The following ETNK1 variants were observed in gnomAD, a reference collection of about 807,000 sequenced individuals.
ETNK1 encodes putative protein product of Nbla10396.
In ETNK1, 8 loss-of-function variants were observed where a neutral mutation model predicts 45.1. That is an observed-to-expected ratio of 0.18 (90% confidence interval 0.10 to 0.32). The LOEUF (loss-of-function observed/expected upper bound fraction) is 0.32. ETNK1 is among the 10% of genes least tolerant of loss of function. The pLI is 1.00. For synonymous variants in ETNK1, 152 were observed against 151.9 expected (o/e 1.00, Z -0.01); for missense variants, 302 against 430.6 (o/e 0.70, Z 2.64).
At chr12:22,649,609 G>T (rs958466888) in intron 2 of ETNK1, among the ~76,000 whole-genome samples, 1 of 151,904 alleles carries the variant, frequency 6.6e-6, no homozygotes, top group Non-Finnish European at 1.5e-5. Flanking sequence ...TACCTTAATT[G>T]CTATAGCTTT....
chr12:22,660,061 C>T (rs576824914), intron 3 of ETNK1, among the ~76,000 whole-genome samples: 1 of 144,258 alleles, frequency 6.9e-6, no homozygotes, highest in South Asian at 2.2e-4. Context: ...AAAAACACCG[C>T]AGTTTTGACC....
At chr12:22,673,384 C>A in intron 5 of ETNK1, 116 bp from the exon 6 acceptor site, 1 of 670,338 alleles carries the variant, frequency 1.5e-6, no homozygotes, top group South Asian at 3.3e-5. Flanking sequence ...TGCAGTATTC[C>A]AGCCAAAATG....
At chr12:22,626,498 A>C (rs934739166) in intron 1 of ETNK1, among the ~76,000 whole-genome samples, 1 of 152,218 alleles carries the variant, frequency 6.6e-6, no homozygotes, top group Non-Finnish European at 1.5e-5. Flanking sequence ...ATGTAAGAAC[A>C]TTCATTTGAA....
At chr12:22,638,812 C>T (rs952918892) in intron 1 of ETNK1, 22 of 152,214 alleles carry the variant, frequency 1.4e-4, no homozygotes, top group Non-Finnish European at 2.5e-4. Context: ...ATCCAGAATC[C>T]GTATTTGCTT....
chr12:22,643,532 G>A (rs1953766129), intron 1 of ETNK1, among the ~76,000 whole-genome samples: 1 of 151,928 alleles, frequency 6.6e-6, no homozygotes, highest in Admixed American at 6.6e-5. Flanking sequence ...GATCAAGGAA[G>A]GCATGTTATA....
intron 1 of ETNK1, among the ~76,000 whole-genome samples, chr12:22,635,007 A>G (rs1476777410): frequency 6.6e-6 from 1 of 152,054 alleles, no homozygotes; most frequent in Non-Finnish European, 1.5e-5. Context: ...TTAAATTTCT[A>G]TTATTCATTA....
intron 4 of ETNK1, among the ~76,000 whole-genome samples, chr12:22,665,820 T>G (rs1282833097): frequency 6.6e-6 from 1 of 152,128 alleles, no homozygotes; most frequent in Non-Finnish European, 1.5e-5. Flanking sequence ...AGTAGGTAGT[T>G]AAGTCCTATA....
chr12:22,678,312 C>G (rs916018788), intron 6 of ETNK1, among the ~76,000 whole-genome samples: 3 of 152,194 alleles, frequency 2.0e-5, no homozygotes, highest in Non-Finnish European at 2.9e-5. Flanking sequence ...AAAAGAAAAT[C>G]AGGTAAGGCT....
intron 1 of ETNK1, chr12:22,625,928 G>T (rs1953488476): frequency 1.8e-6 from 1 of 564,268 alleles, no homozygotes; most frequent in Non-Finnish European, 3.4e-6. Flanking sequence ...CACTCCCCTT[G>T]CACGGGGTCC....
At chr12:22,669,069 A>G (rs1954080957) in intron 4 of ETNK1, among the ~76,000 whole-genome samples, 1 of 152,194 alleles carries the variant, frequency 6.6e-6, no homozygotes, top group South Asian at 2.1e-4. Flanking sequence ...CTCTACAAGA[A>G]TTTGTTTTTA....
chr12:22,665,787 A>G (rs1429551323), intron 4 of ETNK1, among the ~76,000 whole-genome samples: 1 of 152,108 alleles, frequency 6.6e-6, no homozygotes, highest in Non-Finnish European at 1.5e-5. Context: ...GAAAAAATGA[A>G]AAATGGTTAC....
intron 4 of ETNK1, among the ~76,000 whole-genome samples, chr12:22,662,222 C>G (rs1168971762): frequency 6.7e-6 from 1 of 150,260 alleles, no homozygotes; most frequent in South Asian, 2.1e-4. Flanking sequence ...TGCACATCAC[C>G]ATGCCCGGCT....
intron 2 of ETNK1, among the ~76,000 whole-genome samples, chr12:22,657,898 T>C (rs961004498): frequency 6.6e-6 from 1 of 152,190 alleles, no homozygotes; most frequent in Non-Finnish European, 1.5e-5. Flanking sequence ...ATATTCACAA[T>C]AGTATAGAAA....
At chr12:22,675,144 T>A (rs2137571611) in intron 6 of ETNK1, among the ~76,000 whole-genome samples, 1 of 152,286 alleles carries the variant, frequency 6.6e-6, no homozygotes, top group African/African-American at 2.4e-5. Context: ...TCACAGCTCA[T>A]TGCAGCCTCA....
intron 3 of ETNK1, among the ~76,000 whole-genome samples, chr12:22,660,041 A>T (rs1429973754): frequency 6.6e-6 from 1 of 151,678 alleles, no homozygotes; most frequent in Non-Finnish European, 1.5e-5. Flanking sequence ...CTTTAAAAAA[A>T]AAAAAAAAAA....
At chr12:22,662,634 G>A (rs1310841457) in intron 4 of ETNK1, among the ~76,000 whole-genome samples, 1 of 152,064 alleles carries the variant, frequency 6.6e-6, no homozygotes, top group Non-Finnish European at 1.5e-5. Context: ...GTGGCCTCAA[G>A]TGATCCTCCT....
At chr12:22,659,748 A>C (rs1321481449) in intron 3 of ETNK1, among the ~76,000 whole-genome samples, 1 of 152,144 alleles carries the variant, frequency 6.6e-6, no homozygotes, top group Admixed American at 6.6e-5. Flanking sequence ...TGTTTTAAAA[A>C]TTACTATTGT....
At chr12:22,671,487 T>G in intron 5 of ETNK1, 132 bp downstream of exon 5, 1 of 677,936 alleles carries the variant, frequency 1.5e-6, no homozygotes, top group South Asian at 1.8e-5. Context: ...TTCTTTGCTT[T>G]TGTTTATCAC....
intron 4 of ETNK1, among the ~76,000 whole-genome samples, chr12:22,670,184 A>G (rs937285787): frequency 2.0e-5 from 3 of 152,162 alleles, no homozygotes; most frequent in Non-Finnish European, 2.9e-5. Context: ...AATAAATAAC[A>G]ATGTGTAAAG....
Sources: allele counts gnomAD v4.1 joint callset (sites outside exome capture counted in the v4.1 genomes callset), GRCh38; gene constraint gnomAD v4.1.1; transcripts MANE v1.5; gene names NCBI Gene and HGNC (gene_info 2026-07-23, HGNC 2026-07-21).